The following ZFPM2 variants were observed in gnomAD, a reference collection of about 807,000 sequenced individuals.
The protein encoded by ZFPM2 is zinc finger protein ZFPM2.
In ZFPM2, 20 loss-of-function variants were observed where a neutral mutation model predicts 98.6. That is an observed-to-expected ratio of 0.20 (90% confidence interval 0.14 to 0.29). The LOEUF (loss-of-function observed/expected upper bound fraction) is 0.29, where lower values mean the gene tolerates loss of function less well. Among genes scored for constraint, ZFPM2 ranks in the 10% least tolerant of loss-of-function variants. ZFPM2 has a pLI of 1.00. For synonymous variants in ZFPM2, 518 were observed against 502.7 expected, an observed-to-expected ratio of 1.03 and a Z score of -0.41; for missense variants, 1,310 against 1,388.6, an observed-to-expected ratio of 0.94 and a Z score of 0.90.
intron 1 of ZFPM2, among the ~76,000 whole-genome samples, chr8:105,352,483 A>C (rs1753053097): frequency 6.6e-6 from 1 of 152,174 alleles, no homozygotes; most frequent in Admixed American, 6.5e-5. Context: ...TTAATGAAGA[A>C]CATGATTTTA....
At chr8:105,755,236 G>A (rs1436449548) in intron 5 of ZFPM2, among the ~76,000 whole-genome samples, 1 of 152,076 alleles carries the variant, frequency 6.6e-6, no homozygotes, top group African/African-American at 2.4e-5. Context: ...CAAGTTTTGT[G>A]CCTGTAATAA....
intron 1 of ZFPM2, among the ~76,000 whole-genome samples, chr8:105,356,865 G>C (rs113348955): frequency 6.6e-6 from 1 of 151,884 alleles, no homozygotes; most frequent in Non-Finnish European, 1.5e-5. Context: ...TCCTCTTACT[G>C]CTTCATCCTG....
chr8:105,664,641 T>G (rs867314434), intron 5 of ZFPM2, among the ~76,000 whole-genome samples: 1 of 152,220 alleles, frequency 6.6e-6, no homozygotes, highest in African/African-American at 2.4e-5. Flanking sequence ...GGCCATAAAA[T>G]TCTTTAAGTA....
At position 105,332,870 on chromosome 8, in the gene ZFPM2, G is replaced by A. The variant is rs539654525; in HGVS notation, c.40+13889G>A. On this transcript the variant is annotated intron_variant, in intron 1 of 7. Transcript: ENST00000407775. ...TATTTTCAAGGTCCAGTGAATAGTT[G>A]TGGCCAAAGATGAAACTATGTGAGT... Among the ~76,000 whole-genome samples the A allele has an allele frequency of 1.8e-3, 277 of 151,788 alleles. 1 individual carries two copies. Among genetic ancestry groups the A allele is most frequent in the African/African-American group, 6.4e-3 (265 of 41,492 alleles).
chr8:105,656,127 A>T (rs563449837), intron 5 of ZFPM2, among the ~76,000 whole-genome samples: 1 of 151,972 alleles, frequency 6.6e-6, no homozygotes, highest in Admixed American at 6.6e-5. Context: ...AACCGATTCA[A>T]AAGTCAAATT....
At chr8:105,671,686 C>A (rs1817599314) in intron 5 of ZFPM2, among the ~76,000 whole-genome samples, 1 of 151,776 alleles carries the variant, frequency 6.6e-6, no homozygotes, top group South Asian at 2.1e-4. Context: ...TATTTTTAAT[C>A]ACTGTATATC....
chr8:105,345,326 T>A (rs1212796346), intron 1 of ZFPM2, among the ~76,000 whole-genome samples: 4 of 152,156 alleles, frequency 2.6e-5, no homozygotes, highest in African/African-American at 9.7e-5. Context: ...CTTGTGCATC[T>A]TTTTGCCAAA....
At chr8:105,619,764 G>A (rs577488656) in intron 4 of ZFPM2, among the ~76,000 whole-genome samples, 76 of 147,516 alleles carry the variant, frequency 5.2e-4, no homozygotes, top group Middle Eastern at 3.5e-3. Flanking sequence ...TCCCACCTAT[G>A]AGTGAGAACA....
intron 5 of ZFPM2, among the ~76,000 whole-genome samples, chr8:105,645,807 A>G (rs1563756117): frequency 6.6e-6 from 1 of 152,116 alleles, no homozygotes; most frequent in African/African-American, 2.4e-5. Context: ...TAATCCCAGC[A>G]CTTTGGGAGG....
chr8:105,758,098 C>T (rs1812646623), intron 5 of ZFPM2, among the ~76,000 whole-genome samples: 1 of 152,114 alleles, frequency 6.6e-6, no homozygotes, highest in African/African-American at 2.4e-5. Context: ...GTGACAATGA[C>T]AATTGCTTAT....
chr8:105,532,597 T>A (rs922549284), intron 3 of ZFPM2, among the ~76,000 whole-genome samples: 3 of 152,200 alleles, frequency 2.0e-5, no homozygotes, highest in Admixed American at 6.6e-5. Context: ...TCCCCCATGT[T>A]AATGAATAGA....
chr8:105,457,399 A>C (rs2130284451), intron 3 of ZFPM2, among the ~76,000 whole-genome samples: 1 of 152,328 alleles, frequency 6.6e-6, no homozygotes, highest in Admixed American at 6.5e-5. Flanking sequence ...ATTAGTTCAA[A>C]CATTTATTGA....
chr8:105,368,709 GT>G (rs1302816543), intron 1 of ZFPM2, among the ~76,000 whole-genome samples: 3 of 152,042 alleles, frequency 2.0e-5, no homozygotes, highest in African/African-American at 7.2e-5. Flanking sequence ...ATTATGGAAT[GT>G]ACTGTTTCCC....
chr8:105,683,384 T>C (rs771146398), intron 5 of ZFPM2, among the ~76,000 whole-genome samples: 5 of 152,134 alleles, frequency 3.3e-5, no homozygotes, highest in Non-Finnish European at 5.9e-5. Context: ...AAAGTGAATG[T>C]CACCATTCAA....
intron 5 of ZFPM2, among the ~76,000 whole-genome samples, chr8:105,671,725 A>G (rs370529864): frequency 6.6e-6 from 1 of 152,130 alleles, no homozygotes; most frequent in Non-Finnish European, 1.5e-5. Context: ...TAAATATAAC[A>G]AGTAAGTACA....
chr8:105,330,601 T>TATACAC lies in ZFPM2; in HGVS notation c.40+11623_40+11624insCACATA, dbSNP rs1554595010. On this transcript the variant is annotated intron_variant, in intron 1 of 7. Transcript: ENST00000407775. ...ATATACATATATATATATACATATA[T>TATACAC]ATATATATACACATATATATATATA... is the stretch of plus-strand genomic sequence containing the variant. Among the ~76,000 whole-genome samples the TATACAC allele has an allele frequency of 1.3e-3, 35 of 27,194 alleles. 1 individual carries two copies. The highest frequency in any genetic ancestry group is 2.7e-3 in the African/African-American group (14 of 5,094). 17.8% of individuals were successfully genotyped at this position (27,194 alleles called of 152,430 possible). A position where few individuals can be genotyped will look rare whatever the true frequency, so the allele number is the denominator to read the frequency against.
At chr8:105,725,401 G>A (rs753534) in intron 5 of ZFPM2, among the ~76,000 whole-genome samples, 23,119 of 151,608 alleles carry the variant, frequency 0.15, 2,133 homozygotes, top group East Asian at 0.32. Context: ...TTTTTTCTCT[G>A]TTTCTGTAAT....
intron 3 of ZFPM2, among the ~76,000 whole-genome samples, chr8:105,445,705 A>G (rs1305630207): frequency 6.6e-6 from 1 of 151,594 alleles, no homozygotes; most frequent in Non-Finnish European, 1.5e-5. Flanking sequence ...CCCAGCCTCA[A>G]GTGATCCTCC....
At chr8:105,731,361 A>G (rs1811933036) in intron 5 of ZFPM2, among the ~76,000 whole-genome samples, 1 of 151,570 alleles carries the variant, frequency 6.6e-6, no homozygotes, top group Non-Finnish European at 1.5e-5. Flanking sequence ...TGATTACACT[A>G]TTCAAGGTTA....
Sources: gnomAD v4.1 joint callset for allele counts (sites outside exome capture counted in the v4.1 genomes callset) on GRCh38, gnomAD v4.1.1 for gene constraint, MANE v1.5 for transcripts, NCBI Gene and HGNC (gene_info 2026-07-23, HGNC 2026-07-21) for gene names.